RAB31: variants seen among roughly 807,000 people sequenced by gnomAD.
RAB31 encodes the protein RAB31, member RAS oncogene family.
In RAB31, 21 loss-of-function variants were observed where a neutral mutation model predicts 25.6. The observed-to-expected ratio is 0.82, with a 90% CI of 0.58 to 1.18. The LOEUF (loss-of-function observed/expected upper bound fraction) is 1.18. Among genes scored for constraint, RAB31 ranks in the 50% most tolerant of loss-of-function variants. The pLI, the probability that RAB31 is intolerant of heterozygous loss-of-function variation, is 0.00. For missense variants in RAB31, 196 were observed against 250.1 expected (o/e 0.78, Z 1.46); for synonymous variants, 87 against 84.0 (o/e 1.04, Z -0.20).
intron 3 of RAB31, 148 bp downstream of exon 3, chr18:9,792,383 T>C (rs779024045): frequency 3.9e-4 from 545 of 1,393,534 alleles, no homozygotes; most frequent in Non-Finnish European, 4.8e-4. Context: ...ATGTACTCAT[T>C]AGCTATGTGA....
chr18:9,726,631 G>A (rs1267299481), intron 1 of RAB31, among the ~76,000 whole-genome samples: 1 of 152,114 alleles, frequency 6.6e-6, no homozygotes, highest in Non-Finnish European at 1.5e-5. Flanking sequence ...TGGCTGAGCT[G>A]TTCTCTTTAT....
intron 3 of RAB31, among the ~76,000 whole-genome samples, chr18:9,796,175 C>G (rs1357169284): frequency 6.6e-6 from 1 of 152,084 alleles, no homozygotes; most frequent in African/African-American, 2.4e-5. Flanking sequence ...GGGAGCTAAG[C>G]TATGAGGACA....
chr18:9,780,895 C>T (rs1384905853), intron 2 of RAB31, among the ~76,000 whole-genome samples: 1 of 152,138 alleles, frequency 6.6e-6, no homozygotes, highest in Non-Finnish European at 1.5e-5. Context: ...TGTGCCACTG[C>T]ACTCTAGCCT....
chr18:9,774,047 G>A (rs1343982485), intron 1 of RAB31, among the ~76,000 whole-genome samples: 1 of 152,246 alleles, frequency 6.6e-6, no homozygotes, highest in African/African-American at 2.4e-5. Flanking sequence ...TGTGTGTGGA[G>A]GGGAGCATAT....
chr18:9,812,551 C>T (rs371257573), intron 3 of RAB31, among the ~76,000 whole-genome samples: 16 of 152,000 alleles, frequency 1.1e-4, no homozygotes, highest in Non-Finnish European at 1.6e-4. Context: ...GGTGTTCTTC[C>T]GATTCTAATT....
intron 1 of RAB31, among the ~76,000 whole-genome samples, chr18:9,736,238 T>C (rs1190051030): frequency 6.6e-6 from 1 of 152,138 alleles, no homozygotes; most frequent in African/African-American, 2.4e-5. Context: ...CTTCTCAAAG[T>C]GATGGGATTA....
At position 9,854,618 on chromosome 18, in the gene RAB31, G is replaced by A. The variant is rs115935710; in HGVS notation, c.491-4610G>A. On this transcript the variant is annotated intron_variant, in intron 6 of 6. Coordinates refer to ENST00000578921, the MANE Select transcript of RAB31 (RefSeq NM_006868.4). ...ATTCCGGTCCTTTATAGCATGTAGCGCGTTCCTCTTTATCCTAATATTCAG... is the reference window on the plus strand; with the variant it reads ...ATTCCGGTCCTTTATAGCATGTAGCACGTTCCTCTTTATCCTAATATTCAG... Among the ~76,000 whole-genome samples, 569 of 152,174 alleles carry A rather than the reference G, an allele frequency of 3.7e-3. 4 individuals carry two copies. The highest frequency in any genetic ancestry group is 0.013 in the African/African-American group (520 of 41,498).
Position 9,855,953 on chromosome 18 carries a change from C to T in RAB31, c.491-3275C>T, listed in dbSNP as rs528691444. ...TCATTTGTTCCTCCCCTTTTAGTGA[C>T]GGCTGTGTGTGTTCCTTTCCCACAT... On this transcript the variant is annotated intron_variant, in intron 6 of 6. Coordinates refer to ENST00000578921, the MANE Select transcript of RAB31 (RefSeq NM_006868.4). 22 of 152,262 alleles carry T rather than the reference C, an allele frequency of 1.4e-4. No individual in the cohort carries two copies. In the South Asian group the frequency reaches 3.7e-3, roughly 26 times the overall value. 9.4% of individuals were successfully genotyped at this position (152,262 alleles called of 1,614,324 possible).
At chr18:9,803,917 C>A (rs2068526572) in intron 3 of RAB31, among the ~76,000 whole-genome samples, 1 of 152,160 alleles carries the variant, frequency 6.6e-6, no homozygotes, top group Non-Finnish European at 1.5e-5. Flanking sequence ...GCAGAACAGC[C>A]CTCCTGGGTG....
At chr18:9,815,059 A>T in intron 4 of RAB31, 57 bp from the exon 5 acceptor site, 1 of 1,233,624 alleles carries the variant, frequency 8.1e-7, no homozygotes, top group Non-Finnish European at 1.2e-6. Flanking sequence ...ATTTCTGCTT[A>T]GTTGAAATAT....
intron 3 of RAB31, among the ~76,000 whole-genome samples, chr18:9,793,994 A>G (rs1484896567): frequency 3.3e-5 from 5 of 152,150 alleles, no homozygotes; most frequent in Non-Finnish European, 4.4e-5. Context: ...GCAGTGGTGC[A>G]ATCACAGCTC....
At chr18:9,828,337 C>G (rs1370960249) in intron 5 of RAB31, among the ~76,000 whole-genome samples, 2 of 152,122 alleles carry the variant, frequency 1.3e-5, no homozygotes, top group African/African-American at 2.4e-5. Flanking sequence ...TGTTGTGGCC[C>G]CAGGCTCCTC....
chr18:9,738,863 A>T (rs954214198), intron 1 of RAB31, among the ~76,000 whole-genome samples: 1 of 152,164 alleles, frequency 6.6e-6, no homozygotes, highest in African/African-American at 2.4e-5. Flanking sequence ...GTGGGATCTG[A>T]CATTATCTCC....
At chr18:9,781,630 C>T (rs1479954637) in intron 2 of RAB31, among the ~76,000 whole-genome samples, 1 of 152,210 alleles carries the variant, frequency 6.6e-6, no homozygotes, top group Non-Finnish European at 1.5e-5. Flanking sequence ...CTACCTCGTC[C>T]CTTGCTTTTC....
intron 1 of RAB31, among the ~76,000 whole-genome samples, chr18:9,744,201 C>G (rs1048111220): frequency 5.9e-5 from 9 of 152,144 alleles, no homozygotes; most frequent in Non-Finnish European, 1.0e-4. Flanking sequence ...GTAGAGCATA[C>G]CCTTCCAAGG....
intron 5 of RAB31, among the ~76,000 whole-genome samples, chr18:9,842,819 A>C (rs1599063557): frequency 6.6e-6 from 1 of 152,112 alleles, no homozygotes; most frequent in Non-Finnish European, 1.5e-5. Context: ...GCCCTGTCTC[A>C]CCTCTCATTA....
At chr18:9,744,174 G>A (rs1191962391) in intron 1 of RAB31, among the ~76,000 whole-genome samples, 4 of 152,228 alleles carry the variant, frequency 2.6e-5, no homozygotes, top group Non-Finnish European at 5.9e-5. Flanking sequence ...TATTTCCAGT[G>A]GAAAACTATG....
In RAB31 at chr18:9,708,784, G is replaced by A. The variant is rs1354589856; in HGVS notation, c.39+340G>A. Among the ~76,000 whole-genome samples the A allele has an allele frequency of 6.6e-6, 1 of 152,108 alleles. No individual in the cohort carries two copies. Among genetic ancestry groups the A allele is most frequent in the Non-Finnish European group, 1.5e-5 (1 of 68,014 alleles). On this transcript the variant is annotated intron_variant, in intron 1 of 6. Coordinates refer to ENST00000578921, the MANE Select transcript of RAB31 (RefSeq NM_006868.4). The surrounding 1 kb of genome is among the most constrained non-coding windows in gnomAD (Gnocchi z 6.4). ...ACTCCGCTCTTTCCTCCCGGCCCGC[G>A]AGTCCCCGGATCCGCGGCGACCTCG...
intron 2 of RAB31, chr18:9,785,046 G>A (rs2068424882): frequency 6.6e-6 from 1 of 152,330 alleles, no homozygotes; most frequent in African/African-American, 2.4e-5. Flanking sequence ...CATAAAGACC[G>A]ATGTTACTTG....
Sources: gnomAD v4.1 joint callset for allele counts (sites outside exome capture counted in the v4.1 genomes callset) on GRCh38, gnomAD v4.1.1 for gene constraint, Gnocchi (gnomAD v3.1) non-coding constraint, MANE v1.5 for transcripts, NCBI Gene and HGNC (gene_info 2026-07-23, HGNC 2026-07-21) for gene names.